Variants in HEY1 observed in about 807,000 individuals in gnomAD.
HEY1 encodes the protein hes related family bHLH transcription factor with YRPW motif 1.
In HEY1, 9 loss-of-function variants were observed where a neutral mutation model predicts 28.7. The observed-to-expected ratio is 0.31, with a 90% CI of 0.19 to 0.55. HEY1 has a LOEUF of 0.55. HEY1 is among the 20% of genes least tolerant of loss of function. The pLI is 0.93. For synonymous variants in HEY1, 213 were observed against 175.6 expected (o/e 1.21, Z -1.68); for missense variants, 385 against 399.4 (o/e 0.96, Z 0.31).
chr8:79,764,036 T>TCA lies in HEY1; in HGVS notation c.*1150_*1151dup. ...ACTTTGTTCTTTCTTTTTTATTTAG[T>TCA]CACAACACATCAGTACAACAGAGGT... On this transcript the variant is annotated 3_prime_UTR_variant, in exon 5 of 5. Coordinates refer to ENST00000354724, the MANE Select transcript of HEY1 (RefSeq NM_012258.4). 5.5e-6 allele frequency: 1 copy of TCA among 181,650 alleles called. No homozygotes were observed. Among genetic ancestry groups the TCA allele is most frequent in the East Asian group, 9.1e-5 (1 of 11,036 alleles). 11.3% of individuals were successfully genotyped at this position (181,650 alleles called of 1,614,324 possible).
intron 4 of HEY1, 88 bp downstream of exon 4, chr8:79,766,563 C>T (rs898117516): frequency 7.6e-6 from 12 of 1,578,180 alleles, no homozygotes; most frequent in Non-Finnish European, 1.0e-5. Flanking sequence ...AAAGAAAAAT[C>T]AGGCAGCTAC....
At chr8:79,767,431 T>C in intron 1 of HEY1, 137 bp from the exon 2 acceptor site, 1 of 1,130,212 alleles carries the variant, frequency 8.8e-7, no homozygotes, top group South Asian at 1.5e-5. Context: ...AGGGGTTCCC[T>C]GGCCGCAGGC....
At chr8:79,766,776 T>C (rs1279438217) in intron 3 of HEY1, 44 bp from the exon 4 acceptor site, 9 of 1,584,724 alleles carry the variant, frequency 5.7e-6, no homozygotes, top group East Asian at 2.2e-5. Flanking sequence ...ACAAGTTCCT[T>C]TGGGGAACAA....
chr8:79,767,549 G>C lies in HEY1; in HGVS notation c.89+26C>G, dbSNP rs544701555. The stretch of plus-strand genomic sequence containing the variant: ...TGCGCTCGCCTCCCGCTCTGGCTCG[G>C]CTCCGCTCCGCCGCCGCCAGCTCAC... On this transcript the variant is annotated intron_variant, in intron 1 of 4. Coordinates refer to ENST00000354724, the MANE Select transcript of HEY1 (RefSeq NM_012258.4). The C allele has an allele frequency of 2.4e-5, 38 of 1,582,428 alleles. No homozygotes were observed. The African/African-American group carries it at 4.7e-4, about 20-fold the overall frequency.
At position 79,765,620 on chromosome 8, in the gene HEY1, G is replaced by A. The variant is rs964666789; in HGVS notation, c.483C>T (p.Tyr161=). 3 of 1,614,082 alleles carry A rather than the reference G, an allele frequency of 1.9e-6. No individual in the cohort carries two copies. The highest frequency in any genetic ancestry group is 2.5e-6 in the Non-Finnish European group (3 of 1,180,048). ...RVRLVSHLNN[Y]ASQREAASGA... is the part of the protein sequence containing the mutation. Reference sequence around the variant, plus strand: ...CGCTCGCGGCTTCCCGCTGGGAAGCGTAGTTGTTGAGATGCGAAACCAGTC... The same window carrying A: ...CGCTCGCGGCTTCCCGCTGGGAAGCATAGTTGTTGAGATGCGAAACCAGTC... The change falls in exon 5 of 5, where the codon TAC becomes TAT. Residue 161 remains tyrosine, a synonymous_variant. Transcript: ENST00000354724.
chr8:79,765,787 A>G lies in HEY1; in HGVS notation c.332-16T>C, dbSNP rs750765463. 2.5e-6 allele frequency: 4 copies of G among 1,587,440 alleles called. No homozygotes were observed. Among genetic ancestry groups the G allele is most frequent in the Admixed American group, 1.8e-5 (1 of 57,028 alleles). On this transcript the variant is annotated splice_polypyrimidine_tract_variant and intron_variant, in intron 4 of 4. Coordinates refer to ENST00000354724, the MANE Select transcript of HEY1 (RefSeq NM_012258.4). ...TCAAAGTAACCTAAGCAAAAGAACA[A>G]AAGAAAAATCTCAGGGCTTTGCCCG... is the stretch of plus-strand genomic sequence containing the variant.
intron 4 of HEY1, 138 bp downstream of exon 4, chr8:79,766,513 G>GGGAACT (rs1284754332): frequency 6.6e-7 from 1 of 1,514,808 alleles, no homozygotes; most frequent in African/African-American, 1.4e-5. Context: ...TGTACTGACA[G>GGGAACT]GGAACTGCAC....
In HEY1 at chr8:79,765,238, T is replaced by G; in HGVS notation, c.865A>C (p.Asn289His). Residue 289 changes from asparagine (N) to histidine (H), a missense_variant, in exon 5 of 5, where the codon AAC (asparagine) becomes CAC (histidine). Physicochemically the swap from Asn to His is moderately conservative, Grantham distance 68 (BLOSUM62 1). This residue lies in a region of HEY1 where 223 missense variants were observed against 215.9 expected (regional missense o/e 1.03). Transcript: ENST00000354724. ...CAAGGTCTATAGGGCTTGCCAAGGT[T>G]TGCAGCCTGCGTGGGTGCTGAAGGG... Reference protein sequence around the residue: ...LSPSAPTQAANLGKPYRPWGT... With the variant: ...LSPSAPTQAAHLGKPYRPWGT... The G allele has an allele frequency of 6.4e-7, 1 of 1,553,570 alleles. No homozygotes were observed. The highest frequency in any genetic ancestry group is 1.2e-5 in the South Asian group (1 of 84,212).
At chr8:79,766,094 C>T in intron 4 of HEY1, 1 of 844,728 alleles carries the variant, frequency 1.2e-6, no homozygotes, top group South Asian at 1.8e-5. Context: ...AGAGAAACCA[C>T]AGAGCAGTGA....
intron 3 of HEY1, 47 bp from the exon 4 acceptor site, chr8:79,766,779 G>A (rs768754093): frequency 1.5e-5 from 24 of 1,578,444 alleles, no homozygotes; most frequent in Non-Finnish European, 1.9e-5. Flanking sequence ...AGTTCCTTTG[G>A]GGAACAATTT....
rs1807816321 is a variant in HEY1, at chr8:79,765,677, T to C, written c.426A>G (p.Glu142=). The part of the protein sequence containing the change: ...AEVARYLSII[E]GLDASDPLRV... ...GAAGCGGGTCAGAGGCATCTAGTCC[T>C]TCAATGATGCTCAGATAACGCGCAA... The change falls in exon 5 of 5, where the codon GAA becomes GAG. Residue 142 remains glutamate, a synonymous_variant. Transcript: ENST00000354724. The C allele has an allele frequency of 6.2e-7, 1 of 1,614,120 alleles. No homozygotes were observed. The highest frequency in any genetic ancestry group is 8.5e-7 in the Non-Finnish European group (1 of 1,180,038).
At chr8:79,765,836 G>C in intron 4 of HEY1, 65 bp from the exon 5 acceptor site, 1 of 1,394,304 alleles carries the variant, frequency 7.2e-7, no homozygotes, top group Non-Finnish European at 9.7e-7. Flanking sequence ...TTAAGTCCCA[G>C]AGACAGCCCT....
rs763964052 is a variant in HEY1, at chr8:79,765,470, C to T, written c.633G>A (p.Thr211=). 6.2e-7 allele frequency: 1 copy of T among 1,613,392 alleles called. No homozygotes were observed. Among genetic ancestry groups the T allele is most frequent in the Non-Finnish European group, 8.5e-7 (1 of 1,179,696 alleles). The part of the protein sequence containing the change: ...HGNAGTTASP[T]EPHHQGRLGS... ...CCAGCCTGCCCTGGTGGTGCGGTTC[C>T]GTGGGTGAGGCCGTGGTGCCCGCGT... The change falls in exon 5 of 5, where the codon ACG becomes ACA. Residue 211 remains threonine, a synonymous_variant. Transcript: ENST00000354724.
intron 1 of HEY1, 26 bp downstream of exon 1, chr8:79,767,549 G>A (rs544701555): frequency 6.3e-7 from 1 of 1,582,428 alleles, no homozygotes; most frequent in Non-Finnish European, 8.6e-7. Flanking sequence ...CTCTGGCTCG[G>A]CTCCGCTCCG....
In HEY1 at chr8:79,765,615, G is replaced by A. The variant is rs375447862; in HGVS notation, c.488C>T (p.Ser163Phe). 1.4e-4 allele frequency: 220 copies of A among 1,614,074 alleles called. No homozygotes were observed. The highest frequency in any genetic ancestry group is 1.7e-4 in the Non-Finnish European group (203 of 1,180,048). The change falls in exon 5 of 5, where the codon TCC (serine) becomes TTC (phenylalanine). Residue 163 changes from serine (S) to phenylalanine (F), a missense_variant. Physicochemically the swap from Ser to Phe is radical, Grantham distance 155 (BLOSUM62 -2). Transcript: ENST00000354724. ...RLVSHLNNYA[S>F]QREAASGAHA... Reference sequence around the variant, plus strand: ...GGCGCCGCTCGCGGCTTCCCGCTGGGAAGCGTAGTTGTTGAGATGCGAAAC... The same window carrying A: ...GGCGCCGCTCGCGGCTTCCCGCTGGAAAGCGTAGTTGTTGAGATGCGAAAC...
At position 79,765,019 on chromosome 8, in the gene HEY1, T is replaced by A; in HGVS notation, c.*169A>T. The A allele has an allele frequency of 1.9e-6, 1 of 537,580 alleles. No individual in the cohort carries two copies. The highest frequency in any genetic ancestry group is 3.3e-6 in the Non-Finnish European group (1 of 306,726). The allele number at this position is 537,580 out of a possible 1,614,324, so 33.3% of individuals were successfully genotyped here. A position where few individuals can be genotyped will look rare whatever the true frequency, so the allele number is the denominator to read the frequency against. ...AATACATGACATGATGAAAAAAACA[T>A]TAAAAAAGATAAAAGTAAACCAACA... On this transcript the variant is annotated 3_prime_UTR_variant, in exon 5 of 5. Transcript: ENST00000354724.
intron 4 of HEY1, chr8:79,766,227 T>G: frequency 6.5e-7 from 1 of 1,535,162 alleles, no homozygotes; most frequent in African/African-American, 1.4e-5. Context: ...AGGTTTCCTT[T>G]ACTTAACCAG....
rs112785069 is a variant in HEY1 at position 79,765,350 on chromosome 8, C to T, written c.753G>A (p.Ser251=). Residue 251 remains serine (S), a synonymous_variant, in exon 5 of 5, where the codon TCG becomes TCA. Coordinates refer to ENST00000354724, the MANE Select transcript of HEY1 (RefSeq NM_012258.4). ...AGGCCACTGAGGAGAGCAGAGGCGG[C>T]GACAGTTTGGAGGCGGAGGTGACCA... ...LPVVTSASKL[S]PPLLSSVASL... The T allele has an allele frequency of 6.3e-7, 1 of 1,579,598 alleles. No homozygotes were observed. The highest frequency in any genetic ancestry group is 1.3e-5 in the African/African-American group (1 of 74,622).
chr8:79,767,535 C>T, intron 1 of HEY1, 40 bp downstream of exon 1: 1 of 1,562,792 alleles, frequency 6.4e-7, no homozygotes, highest in South Asian at 1.1e-5. Flanking sequence ...GCGCTCGCCT[C>T]CCGCTCTGGC....
Sources: gnomAD v4.1 joint callset for allele counts on GRCh38, gnomAD v4.1.1 for gene constraint, gnomAD v4.1.1 regional missense constraint, MANE v1.5 for transcripts, NCBI Gene and HGNC (gene_info 2026-07-23, HGNC 2026-07-21) for gene names.